TNRC18: variants seen among roughly 807,000 people sequenced by gnomAD.
TNRC18 encodes the protein trinucleotide repeat-containing gene 18 protein.
Under a neutral mutation model 226.7 loss-of-function variants are expected in TNRC18, and 69 were observed. That is an observed-to-expected ratio of 0.30 (90% CI 0.25 to 0.37). TNRC18 has a LOEUF of 0.37. Among genes scored for constraint, TNRC18 ranks in the 10% least tolerant of loss-of-function variants. TNRC18 has a pLI of 1.00. For missense variants in TNRC18, 4,754 were observed against 4,256.6 expected (o/e 1.12, Z -3.25); for synonymous variants, 2,449 against 1,927.6 (o/e 1.27, Z -7.09).
chr7:5,345,254 G>A (rs1468687449), intron 18 of TNRC18, among the ~76,000 whole-genome samples: 1 of 152,190 alleles, frequency 6.6e-6, no homozygotes, highest in Non-Finnish European at 1.5e-5. Flanking sequence ...CCCCAGGCTG[G>A]GTCAGGGACC....
chr7:5,337,935 A>G (rs1242396932), intron 18 of TNRC18, among the ~76,000 whole-genome samples: 1 of 152,098 alleles, frequency 6.6e-6, no homozygotes, highest in Non-Finnish European at 1.5e-5. Context: ...GTGAGCCAAG[A>G]TCACGCCACT....
At chr7:5,345,528 C>CCCCCCCCCCCCCCCCCCCCCCCCCAA in intron 18 of TNRC18, 34 bp downstream of exon 18, 1 of 534,162 alleles carries the variant, frequency 1.9e-6, no homozygotes, top group Non-Finnish European at 2.7e-6. Flanking sequence ...CCCCTCCCAC[C>CCCCCCCCCCCCCCCCCCCCCCCCCAA]CACCCCCACC....
In TNRC18 at chr7:5,320,348, G is replaced by A. The variant is rs2128112234; in HGVS notation, c.6715C>T (p.Arg2239Cys). Residue 2239 changes from arginine to cysteine, a missense_variant, in exon 24 of 30, where the codon CGC (arginine) becomes TGC (cysteine). By Grantham distance (180) the Arg-to-Cys change is radical. Transcript: ENST00000430969. ...ACCACAGTGCCTGGGTAGAGACAGC[G>A]GTACTGCTGGCTCCAGTAGGCTGCA... ...RIAAYWSQQY[R>C]CLYPGTVVRG... The A allele has an allele frequency of 3.2e-6, 5 of 1,557,416 alleles. No individual in the cohort carries two copies. The highest frequency in any genetic ancestry group is 4.3e-6 in the Non-Finnish European group (5 of 1,150,444).
At chr7:5,362,908 G>C in intron 11 of TNRC18, 83 bp from the exon 12 acceptor site, 1 of 1,379,408 alleles carries the variant, frequency 7.2e-7, no homozygotes, top group East Asian at 2.6e-5. Flanking sequence ...CAAAGCAAGC[G>C]CAGGCCCCAG....
At chr7:5,350,655 T>C (rs1395505965) in intron 17 of TNRC18, among the ~76,000 whole-genome samples, 3 of 152,196 alleles carry the variant, frequency 2.0e-5, no homozygotes, top group Non-Finnish European at 4.4e-5. Context: ...CTTGCTTCCC[T>C]TTCTTGGGGC....
intron 2 of TNRC18, among the ~76,000 whole-genome samples, chr7:5,417,712 G>C (rs1255776272): frequency 2.6e-5 from 4 of 152,198 alleles, no homozygotes; most frequent in African/African-American, 9.7e-5. Flanking sequence ...GAAGAACCAA[G>C]AGAGCCCCCT....
At chr7:5,328,670 G>A (rs144693065) in intron 19 of TNRC18, among the ~76,000 whole-genome samples, 2,623 of 151,962 alleles carry the variant, frequency 0.017, 64 homozygotes, top group Admixed American at 0.059. Context: ...CACCACACCC[G>A]GCTACTTTTT....
intron 3 of TNRC18, 33 bp from the exon 4 acceptor site, chr7:5,390,661 C>G (rs781187155): frequency 2.0e-6 from 3 of 1,477,270 alleles, no homozygotes; most frequent in Admixed American, 5.2e-5. Flanking sequence ...TGGGCTGGGC[C>G]AATTCGTGCT....
intron 29 of TNRC18, 71 bp downstream of exon 29, chr7:5,308,804 G>GCC: frequency 6.6e-7 from 1 of 1,509,738 alleles, no homozygotes; most frequent in South Asian, 1.2e-5. Context: ...GCTGAGCCGG[G>GCC]CCCTGTCTGA....
At chr7:5,389,461 G>GGTTTTT in intron 4 of TNRC18, 125 bp from the exon 5 acceptor site, 1 of 564,674 alleles carries the variant, frequency 1.8e-6, no homozygotes, top group Non-Finnish European at 2.3e-6. Flanking sequence ...TTTGGTTTTG[G>GGTTTTT]TTTTTTTTTT....
Position 5,377,724 on chromosome 7 carries a change from C to T in TNRC18, c.2256-148G>A. 1.9e-6 allele frequency: 2 copies of T among 1,078,738 alleles called. No homozygotes were observed. Among genetic ancestry groups the T allele is most frequent in the South Asian group, 3.2e-5 (2 of 63,466 alleles). 66.8% of individuals were successfully genotyped at this position (1,078,738 alleles called of 1,614,324 possible). The stretch of plus-strand genomic sequence containing the variant: ...AACTGAAGGGCCTCCCGGGGCCTTC[C>T]ACACTCACTGTAGGGGCAGTGGGGC... On this transcript the variant is annotated intron_variant, in intron 6 of 29. Coordinates refer to ENST00000430969, the MANE Select transcript of TNRC18 (RefSeq NM_001080495.3). This position sits in a 1 kb window ranked among gnomAD's most constrained non-coding sequence, Gnocchi z 5.8.
chr7:5,339,141 T>A (rs1043231977), intron 18 of TNRC18, among the ~76,000 whole-genome samples: 4 of 151,198 alleles, frequency 2.6e-5, no homozygotes, highest in East Asian at 3.9e-4. Flanking sequence ...CTACAAAAAA[T>A]TGCAATTGTT....
chr7:5,346,482 G>A (rs1032160795), intron 17 of TNRC18, among the ~76,000 whole-genome samples: 2 of 152,150 alleles, frequency 1.3e-5, no homozygotes, highest in African/African-American at 4.8e-5. Context: ...GGTGACAAGA[G>A]TGAGACTCAG....
At chr7:5,413,492 G>C (rs564659301) in intron 2 of TNRC18, among the ~76,000 whole-genome samples, 1 of 151,970 alleles carries the variant, frequency 6.6e-6, no homozygotes. Flanking sequence ...TTCTCTCCTC[G>C]TCTACCAGAC....
intron 2 of TNRC18, among the ~76,000 whole-genome samples, chr7:5,406,120 G>A (rs1405434430): frequency 2.0e-5 from 3 of 152,136 alleles, no homozygotes; most frequent in African/African-American, 7.2e-5. Flanking sequence ...CCACAACAAC[G>A]TGGATGTACC....
chr7:5,328,033 C>A (rs1789114276), intron 19 of TNRC18, among the ~76,000 whole-genome samples: 1 of 150,120 alleles, frequency 6.7e-6, no homozygotes, highest in South Asian at 2.1e-4. Context: ...ACCAGCCCAG[C>A]CAACATGGTG....
chr7:5,367,892 C>CTT (rs1406187127), intron 11 of TNRC18, among the ~76,000 whole-genome samples: 1 of 152,116 alleles, frequency 6.6e-6, no homozygotes, highest in African/African-American at 2.4e-5. Flanking sequence ...TCCAGGCTTC[C>CTT]TTGAGGGCCA....
chr7:5,340,585 A>C (rs967488013), intron 18 of TNRC18, among the ~76,000 whole-genome samples: 71 of 144,908 alleles, frequency 4.9e-4, no homozygotes, highest in Middle Eastern at 3.2e-3. Flanking sequence ...AAAAAAAAAA[A>C]CACAAAAATT....
chr7:5,412,008 G>C (rs1781873454), intron 2 of TNRC18, among the ~76,000 whole-genome samples: 2 of 151,932 alleles, frequency 1.3e-5, no homozygotes, highest in Admixed American at 6.6e-5. Flanking sequence ...AACATAGCGA[G>C]AGACCCCATG....
Sources: gnomAD v4.1 joint callset for allele counts (sites outside exome capture counted in the v4.1 genomes callset) on GRCh38, gnomAD v4.1.1 for gene constraint, Gnocchi (gnomAD v3.1) non-coding constraint, MANE v1.5 for transcripts, NCBI Gene and HGNC (gene_info 2026-07-23, HGNC 2026-07-21) for gene names.